MCTP1: variants seen among roughly 807,000 people sequenced by gnomAD.
MCTP1 encodes multiple C2 and transmembrane domain containing 1.
MCTP1 carries 69 observed loss-of-function variants against 120.6 expected under a neutral mutation model. That is an observed-to-expected ratio of 0.57 (90% CI 0.47 to 0.70). The LOEUF is 0.70. Ranked by LOEUF, MCTP1 falls within the 30% of genes least tolerant of loss-of-function variation. The probability of loss-of-function intolerance (pLI) is 0.00; values close to 1 mark genes in which losing one functional copy is unlikely to be tolerated. For synonymous variants in MCTP1, 529 were observed against 493.1 expected, an observed-to-expected ratio of 1.07 and a Z score of -0.96; for missense variants, 1,203 against 1,248.8, an observed-to-expected ratio of 0.96 and a Z score of 0.55.
At chr5:94,918,708 G>C (rs1224595686) in intron 7 of MCTP1, among the ~76,000 whole-genome samples, 2 of 152,306 alleles carry the variant, frequency 1.3e-5, no homozygotes, top group East Asian at 3.9e-4. Flanking sequence ...AGATTAGAGT[G>C]AGTCATCAGC....
chr5:95,243,824 A>G (rs1482230519), intron 1 of MCTP1, among the ~76,000 whole-genome samples: 1 of 152,204 alleles, frequency 6.6e-6, no homozygotes, highest in Non-Finnish European at 1.5e-5. Context: ...TTAAATAAAG[A>G]GATGAATGAA....
At chr5:94,889,087 C>T in intron 11 of MCTP1, 115 bp from the exon 12 acceptor site, 1 of 609,698 alleles carries the variant, frequency 1.6e-6, no homozygotes, top group Non-Finnish European at 2.8e-6. Flanking sequence ...GTAAGAAGAT[C>T]AACATTAAAC....
chr5:95,057,299 C>A (rs1216765793), intron 1 of MCTP1, among the ~76,000 whole-genome samples: 4 of 151,924 alleles, frequency 2.6e-5, no homozygotes, highest in Admixed American at 1.3e-4. Context: ...GCAGTACAAG[C>A]CATTTTGAGA....
chr5:94,823,877 T>C (rs112502773), intron 17 of MCTP1, among the ~76,000 whole-genome samples: 2 of 152,234 alleles, frequency 1.3e-5, no homozygotes, highest in Non-Finnish European at 2.9e-5. Flanking sequence ...ATGCTTGTGA[T>C]TTTTGCACAT....
chr5:95,217,936 C>T (rs1039443052), intron 1 of MCTP1, among the ~76,000 whole-genome samples: 1 of 151,874 alleles, frequency 6.6e-6, no homozygotes, highest in Non-Finnish European at 1.5e-5. Flanking sequence ...TTAGATATAC[C>T]CCCCTGCCTC....
At chr5:95,152,497 A>G (rs1002596735) in intron 1 of MCTP1, among the ~76,000 whole-genome samples, 1 of 152,198 alleles carries the variant, frequency 6.6e-6, no homozygotes, top group Non-Finnish European at 1.5e-5. Flanking sequence ...CCATTTGGAA[A>G]CTAGGAAATG....
Position 94,824,304 on chromosome 5 carries a change from T to C in MCTP1, c.2437-25172A>G, listed in dbSNP as rs144200245. ...TTTTCTCCATTTATTGAGCTAATCA[T>C]GTGGTTTTTGTCATTGGTTCTGTTT... On this transcript the variant is annotated intron_variant, in intron 17 of 22. Transcript: ENST00000515393. 3.6e-3 allele frequency among the ~76,000 whole-genome samples: 548 copies of C among 152,326 alleles called. 2 individuals are homozygous for C. The highest frequency in any genetic ancestry group is 0.012 in the African/African-American group (518 of 41,578).
At chr5:94,908,930 T>C (rs548559065) in intron 10 of MCTP1, among the ~76,000 whole-genome samples, 1 of 152,212 alleles carries the variant, frequency 6.6e-6, no homozygotes, top group Non-Finnish European at 1.5e-5. Context: ...TAGATCACTT[T>C]ACAGACTATG....
intron 4 of MCTP1, among the ~76,000 whole-genome samples, chr5:94,941,043 G>A (rs1311722837): frequency 1.3e-5 from 2 of 151,954 alleles, no homozygotes; most frequent in African/African-American, 4.8e-5. Context: ...AAATGCTCAT[G>A]TATAAATAAT....
At chr5:94,755,166 C>T (rs1561579400) in intron 19 of MCTP1, among the ~76,000 whole-genome samples, 1 of 152,106 alleles carries the variant, frequency 6.6e-6, no homozygotes, top group Non-Finnish European at 1.5e-5. Flanking sequence ...CTTTGTTTTT[C>T]CTGAGAGAGC....
intron 19 of MCTP1, among the ~76,000 whole-genome samples, chr5:94,763,373 C>T (rs760972615): frequency 2.0e-5 from 3 of 152,142 alleles, no homozygotes; most frequent in South Asian, 2.1e-4. Flanking sequence ...TCATTTCCCT[C>T]GACTCTCCCT....
chr5:95,101,373 G>T (rs971792055), intron 1 of MCTP1, among the ~76,000 whole-genome samples: 4 of 152,174 alleles, frequency 2.6e-5, no homozygotes, highest in Admixed American at 6.5e-5. Context: ...ATACAGGGAA[G>T]AAAACATCTT....
chr5:95,250,385 T>C (rs1291923216), intron 1 of MCTP1, among the ~76,000 whole-genome samples: 1 of 152,188 alleles, frequency 6.6e-6, no homozygotes, highest in Non-Finnish European at 1.5e-5. Flanking sequence ...CCTTTGTTTC[T>C]AATCCAGGAA....
chr5:94,933,715 C>G (rs1010416726), intron 5 of MCTP1, among the ~76,000 whole-genome samples: 1 of 151,598 alleles, frequency 6.6e-6, no homozygotes, highest in African/African-American at 2.4e-5. Context: ...TGTAAAAGGG[C>G]CTTAGAACAT....
chr5:95,259,585 T>C (rs1167265096), intron 1 of MCTP1, among the ~76,000 whole-genome samples: 1 of 152,136 alleles, frequency 6.6e-6, no homozygotes, highest in Non-Finnish European at 1.5e-5. Context: ...TAATACACTA[T>C]AATTACAAAA....
chr5:95,137,068 G>T (rs532567355), intron 1 of MCTP1, among the ~76,000 whole-genome samples: 1 of 152,350 alleles, frequency 6.6e-6, no homozygotes, highest in East Asian at 1.9e-4. Context: ...GCTTATAGCA[G>T]AAATTCTTTC....
intron 1 of MCTP1, among the ~76,000 whole-genome samples, chr5:95,102,192 G>A (rs1756784265): frequency 6.6e-6 from 1 of 152,146 alleles, no homozygotes; most frequent in Non-Finnish European, 1.5e-5. Flanking sequence ...GGCCTCAAGA[G>A]GTTGTTAATG....
chr5:95,131,105 C>G (rs965457517), intron 1 of MCTP1, among the ~76,000 whole-genome samples: 1 of 152,080 alleles, frequency 6.6e-6, no homozygotes, highest in African/African-American at 2.4e-5. Context: ...TCCCTTTGCC[C>G]CACTGAAATA....
chr5:95,238,889 C>T (rs1299887383), intron 1 of MCTP1, among the ~76,000 whole-genome samples: 1 of 152,156 alleles, frequency 6.6e-6, no homozygotes, highest in Admixed American at 6.5e-5. Flanking sequence ...CAGCACAAGC[C>T]TTGCTCGGTA....
Sources: allele counts gnomAD v4.1 joint callset (sites outside exome capture counted in the v4.1 genomes callset), GRCh38; gene constraint gnomAD v4.1.1; transcripts MANE v1.5; gene names NCBI Gene and HGNC (gene_info 2026-07-23, HGNC 2026-07-21).